Variants in CERS3 observed in about 807,000 individuals in gnomAD.
CERS3 encodes the protein ceramide synthase 3.
CERS3 carries 33 observed loss-of-function variants against 50.3 expected under a neutral mutation model. That is an observed-to-expected ratio of 0.66 (90% confidence interval 0.50 to 0.88). The LOEUF is 0.88. Among genes scored for constraint, CERS3 ranks in the 40% least tolerant of loss-of-function variants. CERS3 has a pLI of 0.00. For missense variants in CERS3, 470 were observed against 460.3 expected (o/e 1.02, Z -0.19); for synonymous variants, 176 against 155.2 (o/e 1.13, Z -0.99).
chr15:100,429,134 G>A (rs2142113324), intron 11 of CERS3, among the ~76,000 whole-genome samples: 1 of 152,294 alleles, frequency 6.6e-6, no homozygotes, highest in Admixed American at 6.5e-5. Context: ...AACCCAACTA[G>A]AAGCCACTTT....
At chr15:100,485,251 C>G (rs2035451065) in intron 4 of CERS3, among the ~76,000 whole-genome samples, 1 of 152,156 alleles carries the variant, frequency 6.6e-6, no homozygotes, top group African/African-American at 2.4e-5. Context: ...CTATTTCAAA[C>G]TAATCCAAAA....
intron 11 of CERS3, among the ~76,000 whole-genome samples, chr15:100,427,472 C>T (rs867716751): frequency 6.6e-5 from 10 of 152,114 alleles, no homozygotes; most frequent in Non-Finnish European, 1.5e-4. Flanking sequence ...AAATTCCCAA[C>T]GGATGTGCCA....
intron 10 of CERS3, among the ~76,000 whole-genome samples, chr15:100,462,683 G>A (rs967735695): frequency 6.6e-6 from 1 of 152,126 alleles, no homozygotes; most frequent in Non-Finnish European, 1.5e-5. Context: ...TGTGATCCTG[G>A]AAGTACCTTA....
chr15:100,476,204 C>T (rs1408784096), intron 7 of CERS3, 26 bp from the exon 8 acceptor site: 2 of 1,457,306 alleles, frequency 1.4e-6, no homozygotes, highest in Non-Finnish European at 1.9e-6. Flanking sequence ...GTATTCATTA[C>T]TTTAAATGCC....
At chr15:100,512,725 G>A (rs918853198) in intron 2 of CERS3, among the ~76,000 whole-genome samples, 1 of 152,014 alleles carries the variant, frequency 6.6e-6, no homozygotes, top group African/African-American at 2.4e-5. Context: ...CCATCTTTAT[G>A]TGCTTTACTC....
chr15:100,533,057 A>G (rs2036979324), upstream of CERS3, among the ~76,000 whole-genome samples: 1 of 152,152 alleles, frequency 6.6e-6, no homozygotes, highest in Non-Finnish European at 1.5e-5. Context: ...ATCCTGGCCC[A>G]GGGTTGAAAG....
chr15:100,422,698 A>T (rs1345098044), intron 11 of CERS3, among the ~76,000 whole-genome samples: 1 of 89,006 alleles, frequency 1.1e-5, no homozygotes, highest in Non-Finnish European at 2.3e-5. Context: ...ATGTCCAACA[A>T]TGATAGACTG....
intron 10 of CERS3, among the ~76,000 whole-genome samples, chr15:100,459,077 C>G (rs1197920194): frequency 1.3e-5 from 2 of 152,238 alleles, no homozygotes; most frequent in African/African-American, 2.4e-5. Context: ...GTGTGTGTGT[C>G]TGTGTTCCAA....
chr15:100,455,627 G>A (rs576508055), intron 11 of CERS3, among the ~76,000 whole-genome samples: 2 of 151,988 alleles, frequency 1.3e-5, no homozygotes, highest in Non-Finnish European at 2.9e-5. Context: ...AAAACAAGCA[G>A]CAATTTTTAT....
chr15:100,535,672 A>G (rs1162447404), intron 1 of CERS3, among the ~76,000 whole-genome samples: 1 of 151,870 alleles, frequency 6.6e-6, no homozygotes, highest in Non-Finnish European at 1.5e-5. Context: ...CCCTATGCTC[A>G]TATGTAAGCA....
In CERS3 at chr15:100,526,478, CTGTGTGTGTG is replaced by C. The variant is rs1217852084; in HGVS notation, c.-92+2325_-92+2334del. ...GGAGGCCAGGGAAAACCTACATAAA[CTGTGTGTGTG>C]TGTGTGTGTGTGTGTGTGTGTGTGT... On this transcript the variant is annotated intron_variant, in intron 1 of 11. Coordinates refer to ENST00000679737, the MANE Select transcript of CERS3 (RefSeq NM_001378789.1). Among the ~76,000 whole-genome samples, 76 of 131,552 alleles carry C rather than the reference CTGTGTGTGTG, an allele frequency of 5.8e-4. 1 individual carries two copies. In the South Asian group the frequency reaches 0.016, roughly 28 times the overall value. The allele number at this position is 131,552 out of a possible 152,430, so 86.3% of individuals were successfully genotyped here.
Position 100,473,048 on chromosome 15 carries a change from A to C in CERS3, c.614T>G (p.Phe205Cys). 6.2e-7 allele frequency: 1 copy of C among 1,612,542 alleles called. No homozygotes were observed. The highest frequency in any genetic ancestry group is 8.5e-7 in the Non-Finnish European group (1 of 1,179,512). The change falls in exon 9 of 12, where the codon TTT (phenylalanine) becomes TGT (cysteine). Residue 205 changes from phenylalanine (F) to cysteine (C), a missense_variant. By Grantham distance (205) the Phe-to-Cys change is radical (BLOSUM62 -2). Coordinates refer to ENST00000679737, the MANE Select transcript of CERS3 (RefSeq NM_001378789.1). ...RLGFDVKRKDFLAHIIHHLAA... is the reference protein window; with the variant it reads ...RLGFDVKRKDCLAHIIHHLAA... The stretch of plus-strand genomic sequence containing the variant: ...CAGGTGGTGGATGATATGAGCTAGA[A>C]AATCCTGTAAGATGAGGGAAAATGG...
chr15:100,500,695 G>A (rs1188907744), intron 3 of CERS3, among the ~76,000 whole-genome samples: 1 of 152,192 alleles, frequency 6.6e-6, no homozygotes, highest in African/African-American at 2.4e-5. Flanking sequence ...TCTCAGCCAG[G>A]GTTTAGTGGT....
At chr15:100,409,383 A>G (rs2031301180) in intron 11 of CERS3, among the ~76,000 whole-genome samples, 1 of 152,182 alleles carries the variant, frequency 6.6e-6, no homozygotes, top group Non-Finnish European at 1.5e-5. Context: ...CACAGTTTGA[A>G]AAACACTGGC....
intron 1 of CERS3, among the ~76,000 whole-genome samples, chr15:100,523,570 G>A (rs1018744321): frequency 6.6e-6 from 1 of 151,790 alleles, no homozygotes; most frequent in Non-Finnish European, 1.5e-5. Flanking sequence ...GCATGGTGGT[G>A]GGCGCCTGTA....
chr15:100,512,191 CCT>C (rs1462828258), intron 2 of CERS3, among the ~76,000 whole-genome samples: 1 of 152,224 alleles, frequency 6.6e-6, no homozygotes, highest in African/African-American at 2.4e-5. Context: ...CAAGTTAATG[CCT>C]CTCAACTCCA....
intron 2 of CERS3, among the ~76,000 whole-genome samples, chr15:100,502,275 G>C (rs867093972): frequency 3.6e-5 from 5 of 137,944 alleles, no homozygotes; most frequent in African/African-American, 1.0e-4. Context: ...AAAAAAGAAA[G>C]AAAGAAAGAA....
chr15:100,533,562 C>CTTT (rs59483467), upstream of CERS3, among the ~76,000 whole-genome samples: 722 of 112,390 alleles, frequency 6.4e-3, 20 homozygotes, highest in African/African-American at 0.024. Flanking sequence ...CCCTCTCTCT[C>CTTT]TTTTTTTTTT....
At chr15:100,415,163 T>G (rs1023916655) in intron 11 of CERS3, among the ~76,000 whole-genome samples, 1 of 152,066 alleles carries the variant, frequency 6.6e-6, no homozygotes, top group African/African-American at 2.4e-5. Context: ...CCAACAAACA[T>G]ATGAGAAAAA....
Sources: gnomAD v4.1 joint callset for allele counts (sites outside exome capture counted in the v4.1 genomes callset) on GRCh38, gnomAD v4.1.1 for gene constraint, MANE v1.5 for transcripts, NCBI Gene and HGNC (gene_info 2026-07-23, HGNC 2026-07-21) for gene names.